USP36: variants seen among roughly 807,000 people sequenced by gnomAD.
The protein encoded by USP36 is ubiquitin specific peptidase 36.
A neutral mutation model predicts 111.5 loss-of-function variants in USP36; 59 were observed. The observed-to-expected ratio is 0.53, with a 90% CI of 0.43 to 0.66. The LOEUF is 0.66. Among genes scored for constraint, USP36 ranks in the 30% least tolerant of loss-of-function variants. USP36 has a pLI of 0.00. For synonymous variants in USP36, 628 were observed against 581.0 expected, an observed-to-expected ratio of 1.08 and a Z score of -1.16; for missense variants, 1,488 against 1,468.0, an observed-to-expected ratio of 1.01 and a Z score of -0.22.
rs2094132205 is a variant in USP36, at chr17:78,814,281, A to G, written c.1164+131T>C. The G allele has an allele frequency of 2.4e-6, 3 of 1,268,046 alleles. No homozygotes were observed. In the South Asian group the frequency reaches 4.5e-5, roughly 19 times the overall value. 78.5% of individuals were successfully genotyped at this position (1,268,046 alleles called of 1,614,324 possible). A position where few individuals can be genotyped will look rare whatever the true frequency, so the allele number is the denominator to read the frequency against. ...TTTCACTCCACGCAGAGAGGCAACA[A>G]CGAGGACTTGAATACAACCACAAAA... On this transcript the variant is annotated intron_variant, in intron 11 of 20. Transcript: ENST00000449938.
chr17:78,791,464 C>G (rs1173443071), downstream of USP36, among the ~76,000 whole-genome samples: 4 of 152,222 alleles, frequency 2.6e-5, no homozygotes, highest in Non-Finnish European at 5.9e-5. Context: ...CTGACTCCAG[C>G]CTGACCCTAC....
intron 13 of USP36, among the ~76,000 whole-genome samples, chr17:78,812,368 T>C (rs2094081634): frequency 6.6e-6 from 1 of 152,118 alleles, no homozygotes; most frequent in South Asian, 2.1e-4. Context: ...TCTTTCTCTA[T>C]AGCCAATGTC....
At chr17:78,805,910 A>C (rs1230580998) in intron 15 of USP36, among the ~76,000 whole-genome samples, 1 of 152,164 alleles carries the variant, frequency 6.6e-6, no homozygotes, top group Non-Finnish European at 1.5e-5. Context: ...CAGACCACCA[A>C]CAAAGACAGA....
At chr17:78,795,465 T>C (rs1406290721), downstream of USP36, among the ~76,000 whole-genome samples, 2 of 152,218 alleles carry the variant, frequency 1.3e-5, no homozygotes, top group Admixed American at 1.3e-4. The surrounding 1 kb of genome is among the most constrained non-coding windows in gnomAD (Gnocchi z 4.5). Context: ...CCGGGGTTCA[T>C]TCAGCCTCTT....
intron 6 of USP36, among the ~76,000 whole-genome samples, chr17:78,822,690 CCA>C (rs1261810269): frequency 1.3e-5 from 2 of 152,346 alleles, no homozygotes; most frequent in Non-Finnish European, 2.9e-5. Flanking sequence ...GCCTACGTAT[CCA>C]TATGGTAGCT....
Position 78,802,374 on chromosome 17 carries a change from G to A in USP36, c.2972C>T (p.Ser991Phe). 1 of 1,606,150 alleles carries A rather than the reference G, an allele frequency of 6.2e-7. No individual in the cohort carries two copies. Residue 991 changes from serine (S) to phenylalanine (F), a missense_variant, in exon 17 of 21, where the codon TCC becomes TTC. Ser to Phe is a radical substitution (Grantham distance 155). Around this residue, in one of 3 missense-constraint regions of USP36, gnomAD observed 1,073 missense variants for 994.1 expected, o/e 1.08. Coordinates refer to ENST00000449938, the MANE Select transcript of USP36 (RefSeq NM_001385174.1). ...ATTCGCGGATGGTGCGCAGCTGCTG[G>A]ACTCGGGGACAACAGCATCTTGGGG... ...AKPQDAVVPE[S>F]SSCAPSANGW...
chr17:78,835,837 T>C (rs2068613625), intron 3 of USP36, among the ~76,000 whole-genome samples: 1 of 152,144 alleles, frequency 6.6e-6, no homozygotes, highest in Admixed American at 6.5e-5. Flanking sequence ...TCTTTCTTAG[T>C]TCCAAGCCTG....
At chr17:78,829,867 A>G (rs1042861942) in intron 4 of USP36, among the ~76,000 whole-genome samples, 7 of 152,092 alleles carry the variant, frequency 4.6e-5, no homozygotes, top group African/African-American at 1.7e-4. Flanking sequence ...CAGCCTCCCA[A>G]GTGGCTGGGA....
intron 13 of USP36, 144 bp from the exon 14 acceptor site, chr17:78,807,780 G>C: frequency 1.1e-6 from 1 of 871,154 alleles, no homozygotes; most frequent in Non-Finnish European, 1.6e-6. Context: ...TGGACTCTTG[G>C]TAAAGACACT....
At chr17:78,812,697 G>GAAAAAAA (rs572009070) in intron 13 of USP36, among the ~76,000 whole-genome samples, 163 bp downstream of exon 13, 5 of 52,632 alleles carry the variant, frequency 9.5e-5, no homozygotes, top group Admixed American at 2.3e-4. Context: ...ACTCTGTCTC[G>GAAAAAAA]AAAAAAAAAA....
chr17:78,821,282 C>A, intron 7 of USP36: 1 of 474,854 alleles, frequency 2.1e-6, no homozygotes, highest in Admixed American at 3.5e-5. Flanking sequence ...ACAGGGCCCT[C>A]CCTGCCTGGA....
chr17:78,815,102 G>A (rs2094148830), intron 10 of USP36, among the ~76,000 whole-genome samples: 1 of 152,224 alleles, frequency 6.6e-6, no homozygotes, highest in Non-Finnish European at 1.5e-5. Flanking sequence ...GGGAGGCCGA[G>A]GCGGGTAGAT....
intron 1 of USP36, among the ~76,000 whole-genome samples, chr17:78,839,942 C>T (rs2069096801): frequency 6.6e-6 from 1 of 152,340 alleles, no homozygotes; most frequent in Middle Eastern, 3.4e-3. Context: ...CCCGCTCCCT[C>T]CTCCTTCTAA....
At chr17:78,831,586 C>T (rs1161592656) in intron 4 of USP36, among the ~76,000 whole-genome samples, 1 of 152,110 alleles carries the variant, frequency 6.6e-6, no homozygotes, top group Non-Finnish European at 1.5e-5. Flanking sequence ...TGCACTCCAG[C>T]ATAAGCAACA....
At chr17:78,811,287 G>A (rs2094048675) in intron 13 of USP36, among the ~76,000 whole-genome samples, 1 of 152,018 alleles carries the variant, frequency 6.6e-6, no homozygotes, top group Admixed American at 6.6e-5. Flanking sequence ...ACACACAAAG[G>A]TAACTTAGAG....
At chr17:78,799,877 C>CTCTTTTT in intron 17 of USP36, 109 bp from the exon 18 acceptor site, 1 of 154,444 alleles carries the variant, frequency 6.5e-6, no homozygotes, top group Non-Finnish European at 1.2e-5. Context: ...GGATGCTTGC[C>CTCTTTTT]TTTTTTTTTT....
intron 16 of USP36, among the ~76,000 whole-genome samples, chr17:78,802,950 C>CT (rs200647406): frequency 2.7e-5 from 4 of 150,618 alleles, no homozygotes; most frequent in Admixed American, 2.0e-4. Flanking sequence ...TTTCTTTTTT[C>CT]TTTTTTTTTA....
chr17:78,800,289 G>C (rs2093708538), intron 17 of USP36, among the ~76,000 whole-genome samples: 3 of 152,312 alleles, frequency 2.0e-5, no homozygotes, highest in Admixed American at 2.0e-4. Flanking sequence ...ATGGCCACAG[G>C]GGTGGAGGGA....
At chr17:78,822,128 C>G (rs1467211331) in intron 6 of USP36, 124 bp from the exon 7 acceptor site, 8 of 1,074,084 alleles carry the variant, frequency 7.4e-6, no homozygotes, top group East Asian at 2.5e-5. Context: ...ACTCCACCCC[C>G]CACCCGAGTC....
Sources: allele counts gnomAD v4.1 joint callset (sites outside exome capture counted in the v4.1 genomes callset), GRCh38; gene constraint gnomAD v4.1.1; regional missense constraint gnomAD v4.1.1; non-coding constraint Gnocchi (gnomAD v3.1); transcripts MANE v1.5; gene names NCBI Gene and HGNC (gene_info 2026-07-23, HGNC 2026-07-21).